AIMP1: variants seen among roughly 807,000 people sequenced by gnomAD.
AIMP1 encodes aminoacyl tRNA synthase complex-interacting multifunctional protein 1.
Under a neutral mutation model 33.1 loss-of-function variants are expected in AIMP1, and 24 were observed. The ratio of observed to expected loss-of-function variants is 0.73; its 90% CI spans 0.53 to 1.02. The LOEUF (loss-of-function observed/expected upper bound fraction) is 1.02, where lower values mean the gene tolerates loss of function less well. Ranked by LOEUF, AIMP1 falls within the 50% of genes least tolerant of loss-of-function variation. The probability of loss-of-function intolerance (pLI) is 0.00; values close to 1 mark genes in which losing one functional copy is unlikely to be tolerated. For synonymous variants in AIMP1, 120 were observed against 121.5 expected, an observed-to-expected ratio of 0.99 and a Z score of 0.08; for missense variants, 367 against 364.8, an observed-to-expected ratio of 1.01 and a Z score of -0.05.
At chr4:106,339,880 G>T (rs1486521792) in intron 6 of AIMP1, among the ~76,000 whole-genome samples, 1 of 152,132 alleles carries the variant, frequency 6.6e-6, no homozygotes, top group East Asian at 1.9e-4. Context: ...AAGTTAAAAT[G>T]TAATGATTTT....
chr4:106,339,926 G>A (rs1770031167), intron 6 of AIMP1, among the ~76,000 whole-genome samples: 1 of 152,048 alleles, frequency 6.6e-6, no homozygotes, highest in Admixed American at 6.6e-5. Flanking sequence ...TGTATTGCCT[G>A]TTTTCTCTAA....
chr4:106,316,524 T>C (rs114327761), upstream of AIMP1: 1,645 of 1,551,486 alleles, frequency 1.1e-3, 16 homozygotes, highest in African/African-American at 0.02. Context: ...CTCACTGCTA[T>C]AGTACGCGGG....
At chr4:106,329,423 G>A (rs1242000765) in intron 4 of AIMP1, among the ~76,000 whole-genome samples, 1 of 152,104 alleles carries the variant, frequency 6.6e-6, no homozygotes, top group Non-Finnish European at 1.5e-5. Flanking sequence ...GGAAGAGGGA[G>A]CACACAGGAC....
chr4:106,334,236 G>A (rs1281539144), intron 5 of AIMP1, among the ~76,000 whole-genome samples: 3 of 151,492 alleles, frequency 2.0e-5, no homozygotes, highest in Non-Finnish European at 4.4e-5. Context: ...AAAGGATACA[G>A]CAACAAATTA....
intron 1 of AIMP1, 54 bp downstream of exon 1, chr4:106,316,648 G>A: frequency 1.0e-5 from 16 of 1,533,058 alleles, no homozygotes; most frequent in Non-Finnish European, 1.3e-5. Context: ...TGCGATCGTA[G>A]GGGTCTTCCT....
At chr4:106,318,835 G>C (rs1769089046) in intron 1 of AIMP1, among the ~76,000 whole-genome samples, 2 of 152,206 alleles carry the variant, frequency 1.3e-5, no homozygotes, top group South Asian at 4.1e-4. Context: ...GGGAAACAAA[G>C]GGTGATACAA....
In AIMP1 at chr4:106,327,465, T is replaced by C; in HGVS notation, c.124T>C (p.Leu42=). 6.2e-7 allele frequency: 1 copy of C among 1,611,816 alleles called. No homozygotes were observed. The highest frequency in any genetic ancestry group is 8.5e-7 in the Non-Finnish European group (1 of 1,178,400). Residue 42 remains leucine, a synonymous_variant, in exon 3 of 7, where the codon TTG becomes CTG. Coordinates refer to ENST00000672341, the MANE Select transcript of AIMP1 (RefSeq NM_001142416.2). ...LKEKAILQAT[L]REEKKLRVEN... is the part of the protein sequence containing the mutation. Reference sequence around the variant, plus strand: ...CTTGATCCTAGTTTTGCAGGCAACTTTGAGGGAAGAGAAGAAACTTCGAGT... The same window carrying C: ...CTTGATCCTAGTTTTGCAGGCAACTCTGAGGGAAGAGAAGAAACTTCGAGT...
intron 2 of AIMP1, among the ~76,000 whole-genome samples, chr4:106,326,940 G>A (rs1035856208): frequency 6.6e-6 from 1 of 151,962 alleles, no homozygotes; most frequent in Non-Finnish European, 1.5e-5. Flanking sequence ...ACAACCCCCA[G>A]CTACTTTTTG....
rs1443240383 is a variant in AIMP1, at chr4:106,347,642, GGGAA to G, written c.892_895del (p.Lys298GlufsTer8). On this transcript the variant is annotated frameshift_variant, in exon 7 of 7. Coordinates refer to ENST00000672341, the MANE Select transcript of AIMP1 (RefSeq NM_001142416.2). LOFTEE classifies it high-confidence loss of function. The stretch of plus-strand genomic sequence containing the variant: ...CAAAGGAGTTCCCTTTGAGGTGAAA[GGGAA>G]GGGAGTATGTAGGGCTCAAACCATG... 3.7e-6 allele frequency: 6 copies of G among 1,613,276 alleles called. No homozygotes were observed. Among genetic ancestry groups the G allele is most frequent in the South Asian group, 1.1e-5 (1 of 91,050 alleles).
rs1028395661 is a variant in AIMP1 at position 106,348,789 on chromosome 4, T to G, written c.*1097T>G. 1 of 152,098 alleles carries G rather than the reference T, an allele frequency of 6.6e-6. No homozygotes were observed. Among genetic ancestry groups the G allele is most frequent in the African/African-American group, 2.4e-5 (1 of 41,428 alleles). 9.4% of individuals were successfully genotyped at this position (152,098 alleles called of 1,614,324 possible). A position where few individuals can be genotyped will look rare whatever the true frequency, so the allele number is the denominator to read the frequency against. ...AAGGGGCCTCACAGAGAAATATTAG[T>G]GACTTTAACCAGGTTTCAGAATCTG... On this transcript the variant is annotated 3_prime_UTR_variant, in exon 7 of 7. Coordinates refer to ENST00000672341, the MANE Select transcript of AIMP1 (RefSeq NM_001142416.2).
chr4:106,331,674 GAGA>G lies in AIMP1; in HGVS notation c.400_402del (p.Lys134del), dbSNP rs1217603004. 8 of 1,613,724 alleles carry G rather than the reference GAGA, an allele frequency of 5.0e-6. No individual in the cohort carries two copies. Among genetic ancestry groups the G allele is most frequent in the African/African-American group, 1.3e-5 (1 of 74,896 alleles). The stretch of plus-strand genomic sequence containing the variant: ...ACCCATTCATAAATACTTTTTAGGA[GAGA>G]AGAAGGAGAAAAAACAGCAATCAAT... On this transcript the variant is annotated inframe_deletion, in exon 5 of 7. Coordinates refer to ENST00000672341, the MANE Select transcript of AIMP1 (RefSeq NM_001142416.2).
chr4:106,325,674 T>C (rs1420594945), intron 2 of AIMP1, among the ~76,000 whole-genome samples: 1 of 152,036 alleles, frequency 6.6e-6, no homozygotes, highest in Non-Finnish European at 1.5e-5. Context: ...AGTTTGAAAA[T>C]CTTTCTACTT....
chr4:106,331,911 G>C lies in AIMP1; in HGVS notation c.603+28G>C, dbSNP rs530905677. 3 of 1,589,650 alleles carry C rather than the reference G, an allele frequency of 1.9e-6. No individual in the cohort carries two copies. In the South Asian group the frequency reaches 3.3e-5, roughly 18 times the overall value. On this transcript the variant is annotated intron_variant, in intron 5 of 6. Transcript: ENST00000672341. ...AATCTGTACAACTGAAATTCCTGTT[G>C]TGTACATACAACATTTTCATTCCCT...
At chr4:106,346,324 G>T (rs1419482639) in intron 6 of AIMP1, among the ~76,000 whole-genome samples, 2 of 151,940 alleles carry the variant, frequency 1.3e-5, no homozygotes, top group Non-Finnish European at 2.9e-5. Flanking sequence ...AGGGGTTGTG[G>T]GTATTAACCA....
intron 4 of AIMP1, among the ~76,000 whole-genome samples, chr4:106,329,017 T>A (rs1769561334): frequency 6.6e-6 from 1 of 152,026 alleles, no homozygotes; most frequent in Admixed American, 6.6e-5. Context: ...TTATGAATAT[T>A]TCTCATTATA....
Position 106,327,484 on chromosome 4 carries a change from T to C in AIMP1, c.143T>C (p.Leu48Pro), listed in dbSNP as rs1769496832. The change falls in exon 3 of 7, where the codon CTT becomes CCT. Residue 48 changes from leucine to proline, a missense_variant. Transcript: ENST00000672341. ...GCAACTTTGAGGGAAGAGAAGAAAC[T>C]TCGAGTTGAAAATGCTAAACTGAAG... ...LQATLREEKK[L>P]RVENAKLKKE... The C allele has an allele frequency of 6.2e-7, 1 of 1,612,830 alleles. No homozygotes were observed. Among genetic ancestry groups the C allele is most frequent in the South Asian group, 1.1e-5 (1 of 91,048 alleles).
chr4:106,348,298 T>C lies in AIMP1; in HGVS notation c.*606T>C, dbSNP rs1159652115. 1.3e-5 allele frequency: 2 copies of C among 152,198 alleles called. No individual in the cohort carries two copies. The highest frequency in any genetic ancestry group is 2.9e-5 in the Non-Finnish European group (2 of 68,042). The allele number at this position is 152,198 out of a possible 1,614,324, so 9.4% of individuals were successfully genotyped here. Reference sequence around the variant, plus strand: ...TTTTTAAAAAACTGAGATTTCCTACTGGCTTGAAGTTTTTCTATTTAGCAA... The same window carrying C: ...TTTTTAAAAAACTGAGATTTCCTACCGGCTTGAAGTTTTTCTATTTAGCAA... On this transcript the variant is annotated 3_prime_UTR_variant, in exon 7 of 7. Transcript: ENST00000672341.
Position 106,325,078 on chromosome 4 carries a change from A to C in AIMP1, c.69A>C (p.Glu23Asp), listed in dbSNP as rs369984537. The change falls in exon 2 of 7, where the codon GAA (glutamate) becomes GAC (aspartate). Residue 23 changes from glutamate to aspartate, a missense_variant. Glu to Asp is a conservative substitution (Grantham distance 45). Transcript: ENST00000672341. ...QKGAEADQII[E>D]YLKQQVSLLK... ...GTGCAGAGGCAGATCAAATCATTGAATATCTTAAGCAGCAAGTTTCTCTAC... is the reference window on the plus strand; with the variant it reads ...GTGCAGAGGCAGATCAAATCATTGACTATCTTAAGCAGCAAGTTTCTCTAC... 8.9e-5 allele frequency: 143 copies of C among 1,613,136 alleles called. No individual in the cohort carries two copies. Among genetic ancestry groups the C allele is most frequent in the Admixed American group, 2.0e-4 (12 of 59,994 alleles).
chr4:106,317,536 A>G lies in AIMP1; in HGVS notation c.-26+942A>G, dbSNP rs189379390. 2.0e-5 allele frequency among the ~76,000 whole-genome samples: 3 copies of G among 152,346 alleles called. No homozygotes were observed. In the East Asian group the frequency reaches 5.8e-4, roughly 29 times the overall value. On this transcript the variant is annotated intron_variant, in intron 1 of 6. Coordinates refer to ENST00000672341, the MANE Select transcript of AIMP1 (RefSeq NM_001142416.2). ...GGAGACCAATAAGAAGAGTTTTGCA[A>G]TAATCCAGAGGAAGCATAATGGTGG...
Sources: gnomAD v4.1 joint callset for allele counts (sites outside exome capture counted in the v4.1 genomes callset) on GRCh38, gnomAD v4.1.1 for gene constraint, MANE v1.5 for transcripts, NCBI Gene and HGNC (gene_info 2026-07-23, HGNC 2026-07-21) for gene names.